RORA: variants seen among roughly 807,000 people sequenced by gnomAD.
RORA encodes the protein RAR related orphan receptor A.
A neutral mutation model predicts 69.5 loss-of-function variants in RORA; 7 were observed. The ratio of observed to expected loss-of-function variants is 0.10; its 90% CI spans 0.06 to 0.19. The LOEUF is 0.19. RORA is among the 10% of genes least tolerant of loss of function. The pLI, the probability that RORA is intolerant of heterozygous loss-of-function variation, is 1.00. For missense variants in RORA, 457 were observed against 663.0 expected, an observed-to-expected ratio of 0.69 and a Z score of 3.41; for synonymous variants, 261 against 240.8, an observed-to-expected ratio of 1.08 and a Z score of -0.78.
intron 1 of RORA, among the ~76,000 whole-genome samples, chr15:60,965,496 A>G (rs931874152): frequency 6.6e-6 from 1 of 152,174 alleles, no homozygotes; most frequent in African/African-American, 2.4e-5. Context: ...CTAACTGTAT[A>G]ATTACATGAG....
At chr15:60,571,570 G>A (rs1023417012) in intron 2 of RORA, among the ~76,000 whole-genome samples, 26 of 152,180 alleles carry the variant, frequency 1.7e-4, no homozygotes, top group African/African-American at 5.8e-4. Flanking sequence ...CTCTGTGGCA[G>A]TCTTAGATGA....
At chr15:60,867,963 C>T (rs1258592493) in intron 1 of RORA, among the ~76,000 whole-genome samples, 1 of 152,170 alleles carries the variant, frequency 6.6e-6, no homozygotes, top group South Asian at 2.1e-4. Context: ...TTTACTTACA[C>T]GTTCCCTGAT....
chr15:60,787,098 C>A (rs1289368689), intron 1 of RORA, among the ~76,000 whole-genome samples: 1 of 152,230 alleles, frequency 6.6e-6, no homozygotes, highest in South Asian at 2.1e-4. Flanking sequence ...AGCAAATCTA[C>A]AGCAAGTCAT....
chr15:60,912,772 A>C (rs1161008041), intron 1 of RORA, among the ~76,000 whole-genome samples: 2 of 124,342 alleles, frequency 1.6e-5, no homozygotes, highest in Non-Finnish European at 3.7e-5. Context: ...CAAACAAACA[A>C]ACAAAACAAA....
intron 1 of RORA, among the ~76,000 whole-genome samples, chr15:60,807,373 G>A (rs1358456336): frequency 6.6e-6 from 1 of 151,970 alleles, no homozygotes; most frequent in South Asian, 2.1e-4. Flanking sequence ...TAACCAAGAA[G>A]GTGAAAGACC....
At chr15:60,600,683 T>A (rs11629731) in intron 2 of RORA, among the ~76,000 whole-genome samples, 31,375 of 152,036 alleles carry the variant, frequency 0.21, 3,270 homozygotes, top group East Asian at 0.31. Flanking sequence ...TCTTCCTACA[T>A]TTTGTAAGAT....
chr15:60,795,064 T>G (rs1216969893), intron 1 of RORA, among the ~76,000 whole-genome samples: 2 of 152,162 alleles, frequency 1.3e-5, no homozygotes, highest in African/African-American at 4.8e-5. Flanking sequence ...CACTGGCATT[T>G]ATAATCTATC....
At chr15:60,723,497 T>C (rs1432048975) in intron 1 of RORA, among the ~76,000 whole-genome samples, 2 of 151,696 alleles carry the variant, frequency 1.3e-5, no homozygotes, top group African/African-American at 4.8e-5. Context: ...AAGGAGAAAC[T>C]AAGTTAAACT....
In RORA at chr15:61,154,966, G is replaced by A. The variant is rs117614227; in HGVS notation, c.166+74087C>T. Among the ~76,000 whole-genome samples the A allele has an allele frequency of 8.1e-3, 1,231 of 152,254 alleles. 6 individuals are homozygous for A. Among genetic ancestry groups the A allele is most frequent in the Non-Finnish European group, 0.013 (863 of 68,018 alleles). ...CAGATGCAGAGATTATCACGTTCCC[G>A]GATCCAGATGTTCGAAGAAAGTTAC... On this transcript the variant is annotated intron_variant, in intron 1 of 10. Transcript: ENST00000335670.
chr15:60,943,267 T>TGTC (rs990142813), intron 1 of RORA, among the ~76,000 whole-genome samples: 3 of 152,072 alleles, frequency 2.0e-5, no homozygotes, highest in African/African-American at 7.2e-5. Context: ...AAAAGTACAC[T>TGTC]GTCAGGTTTG....
At chr15:60,542,456 ACACCTCACACACACGGCACACAGGCG>A (rs1409199973) in intron 2 of RORA, among the ~76,000 whole-genome samples, 1 of 140,638 alleles carries the variant, frequency 7.1e-6, no homozygotes, top group Non-Finnish European at 1.5e-5. Context: ...GCACACAGGC[ACACCTCACACACACGGCACACAGGCG>A]CACCTCACAC....
At chr15:60,819,037 T>C (rs938404843) in intron 1 of RORA, among the ~76,000 whole-genome samples, 1 of 152,222 alleles carries the variant, frequency 6.6e-6, no homozygotes, top group African/African-American at 2.4e-5. Context: ...GCCCAGACCA[T>C]TACTGACAGC....
intron 2 of RORA, among the ~76,000 whole-genome samples, chr15:60,551,816 T>C (rs1473420875): frequency 1.3e-5 from 2 of 152,348 alleles, no homozygotes; most frequent in East Asian, 3.9e-4. Flanking sequence ...GTCCTAAGGT[T>C]ACCAAGCTTG....
intron 1 of RORA, among the ~76,000 whole-genome samples, chr15:60,959,258 T>C (rs377617388): frequency 1.1e-3 from 175 of 152,322 alleles, no homozygotes; most frequent in Non-Finnish European, 2.2e-3. Flanking sequence ...AGTAGGAAAC[T>C]GACCCAAAGA....
chr15:60,659,240 A>T (rs1009903674), intron 2 of RORA, among the ~76,000 whole-genome samples: 1 of 152,198 alleles, frequency 6.6e-6, no homozygotes, highest in Non-Finnish European at 1.5e-5. Context: ...AAAGGACAAG[A>T]TTGGCGAAGC....
intron 1 of RORA, among the ~76,000 whole-genome samples, chr15:60,886,026 C>T (rs551255820): frequency 2.6e-4 from 40 of 152,326 alleles, no homozygotes; most frequent in Middle Eastern, 3.4e-3. Flanking sequence ...CACTTCCCCA[C>T]TGTTTGTCTT....
At chr15:61,195,950 C>T (rs2079842176) in intron 1 of RORA, 1 of 152,226 alleles carries the variant, frequency 6.6e-6, no homozygotes, top group Non-Finnish European at 1.5e-5. Flanking sequence ...GTGAAAAGCA[C>T]AATGTTGGTC....
rs140995962 is a variant in RORA, at chr15:60,610,233, A to C, written c.196+68424T>G. ...ACACACACACACACACTACACACAC[A>C]CAGTCCAGGGTCTGTGGGGAATTTT... On this transcript the variant is annotated intron_variant, in intron 2 of 10. Transcript: ENST00000335670. Among the ~76,000 whole-genome samples, 528 of 151,654 alleles carry C rather than the reference A, an allele frequency of 3.5e-3. 6 individuals carry two copies. Among genetic ancestry groups the C allele is most frequent in the African/African-American group, 0.011 (463 of 41,308 alleles).
intron 2 of RORA, among the ~76,000 whole-genome samples, chr15:60,645,135 T>A (rs2070015914): frequency 6.6e-6 from 1 of 151,904 alleles, no homozygotes; most frequent in South Asian, 2.1e-4. Flanking sequence ...ACTGTCCCGG[T>A]TTACAAAAAT....
Sources: allele counts gnomAD v4.1 joint callset (sites outside exome capture counted in the v4.1 genomes callset), GRCh38; gene constraint gnomAD v4.1.1; transcripts MANE v1.5; gene names NCBI Gene and HGNC (gene_info 2026-07-23, HGNC 2026-07-21).